Variants in PTPRN2 observed in about 807,000 individuals in gnomAD.
PTPRN2 encodes the protein protein tyrosine phosphatase receptor type N2, also known as receptor-type tyrosine-protein phosphatase N2.
PTPRN2 carries 74 observed loss-of-function variants against 118.8 expected under a neutral mutation model. That is an observed-to-expected ratio of 0.62 (90% CI 0.52 to 0.76). PTPRN2 has a LOEUF of 0.76. Ranked by LOEUF, PTPRN2 falls within the 30% of genes least tolerant of loss-of-function variation. PTPRN2 has a pLI of 0.00. For missense variants in PTPRN2, 1,481 were observed against 1,394.4 expected, an observed-to-expected ratio of 1.06 and a Z score of -0.99; for synonymous variants, 641 against 608.0, an observed-to-expected ratio of 1.05 and a Z score of -0.80.
In PTPRN2 at chr7:157,615,632, C is replaced by T. The variant is rs1044927279; in HGVS notation, c.2344+5730G>A. On this transcript the variant is annotated intron_variant, in intron 15 of 22. Coordinates refer to ENST00000389418, the MANE Select transcript of PTPRN2 (RefSeq NM_002847.5). The surrounding 1 kb of genome is among the most constrained non-coding windows in gnomAD (Gnocchi z 4.3). Reference sequence around the variant, plus strand: ...GAGGATTGGCTCAGCACTGGTCCTGCGGAATGTGTTTTTATCAATGACTTG... The same window carrying T: ...GAGGATTGGCTCAGCACTGGTCCTGTGGAATGTGTTTTTATCAATGACTTG... 16 of 469,422 alleles carry T rather than the reference C, an allele frequency of 3.4e-5. No homozygotes were observed. Among genetic ancestry groups the T allele is most frequent in the Admixed American group, 9.4e-5 (4 of 42,526 alleles). 29.1% of individuals were successfully genotyped at this position (469,422 alleles called of 1,614,324 possible).
chr7:158,336,375 A>T lies in PTPRN2; in HGVS notation c.164-19443T>A, dbSNP rs62481660. ...ACCCACACTCTCACCATAAGAGCTG[A>T]CACATGCAGACGTCACTCACACCCA... On this transcript the variant is annotated intron_variant, in intron 2 of 22. Coordinates refer to ENST00000389418, the MANE Select transcript of PTPRN2 (RefSeq NM_002847.5). 5.0e-3 allele frequency among the ~76,000 whole-genome samples: 289 copies of T among 58,294 alleles called. 1 individual carries two copies. Among genetic ancestry groups the T allele is most frequent in the African/African-American group, 0.014 (216 of 15,994 alleles). The allele number at this position is 58,294 out of a possible 152,430, so 38.2% of individuals were successfully genotyped here.
intron 13 of PTPRN2, among the ~76,000 whole-genome samples, chr7:157,677,650 A>G (rs1180776379): frequency 6.6e-6 from 1 of 152,222 alleles, no homozygotes; most frequent in Non-Finnish European, 1.5e-5. Context: ...GCAGAAACCA[A>G]GCCGGCTGAC....
At chr7:157,642,689 T>C (rs927270860) in intron 14 of PTPRN2, among the ~76,000 whole-genome samples, 5 of 151,956 alleles carry the variant, frequency 3.3e-5, no homozygotes, top group Admixed American at 1.3e-4. Context: ...CCTGTTAACT[T>C]TTACCAAGTT....
chr7:158,375,372 G>C (rs368756516), intron 2 of PTPRN2, among the ~76,000 whole-genome samples: 2 of 152,238 alleles, frequency 1.3e-5, no homozygotes, highest in African/African-American at 2.4e-5. Context: ...CAAGGCAGCT[G>C]TGTCTTGGGG....
chr7:158,179,024 G>C (rs1824466135), intron 5 of PTPRN2, among the ~76,000 whole-genome samples: 1 of 152,188 alleles, frequency 6.6e-6, no homozygotes, highest in Non-Finnish European at 1.5e-5. Context: ...ATACTCAGTA[G>C]TGAGATTGCT....
At chr7:158,130,699 C>CAA (rs1818131051) in intron 9 of PTPRN2, among the ~76,000 whole-genome samples, 1 of 87,584 alleles carries the variant, frequency 1.1e-5, no homozygotes, top group East Asian at 2.9e-4. Context: ...ACACATCTAC[C>CAA]CAACACACAC....
chr7:158,149,219 C>G (rs1389335300), intron 6 of PTPRN2, among the ~76,000 whole-genome samples: 2 of 151,896 alleles, frequency 1.3e-5, no homozygotes, highest in African/African-American at 2.4e-5. Flanking sequence ...CTGGGCTGAC[C>G]TGCTCTCCAA....
intron 14 of PTPRN2, among the ~76,000 whole-genome samples, chr7:157,655,723 A>G (rs1222598527): frequency 6.6e-6 from 1 of 152,234 alleles, no homozygotes; most frequent in African/African-American, 2.4e-5. Context: ...GGCAGCCAGC[A>G]GGACGTGCTG....
intron 12 of PTPRN2, among the ~76,000 whole-genome samples, chr7:157,713,330 C>A (rs746024031): frequency 6.6e-6 from 1 of 152,160 alleles, no homozygotes; most frequent in Non-Finnish European, 1.5e-5. Context: ...AATAGCCCCA[C>A]GGCACGTTTC....
chr7:157,733,459 CTT>C (rs1349515546), intron 12 of PTPRN2, among the ~76,000 whole-genome samples: 1 of 42,958 alleles, frequency 2.3e-5, no homozygotes. Flanking sequence ...CACAGTTACT[CTT>C]TTCCGCCCCA....
At chr7:157,890,821 A>G (rs2151305155) in intron 12 of PTPRN2, among the ~76,000 whole-genome samples, 1 of 152,220 alleles carries the variant, frequency 6.6e-6, no homozygotes, top group Admixed American at 6.5e-5. Context: ...CCAGCTCTCC[A>G]CCTCACCTGT....
chr7:158,226,424 T>C (rs1828781599), intron 3 of PTPRN2, among the ~76,000 whole-genome samples: 1 of 152,056 alleles, frequency 6.6e-6, no homozygotes, highest in African/African-American at 2.4e-5. Flanking sequence ...ACCAGGTTTG[T>C]GGGTGGGGAC....
intron 3 of PTPRN2, among the ~76,000 whole-genome samples, chr7:158,292,048 G>A (rs1350836227): frequency 1.3e-5 from 2 of 152,220 alleles, no homozygotes; most frequent in South Asian, 2.1e-4. Flanking sequence ...GACCTGTCTA[G>A]CTTTTAGTGA....
chr7:158,520,714 T>C (rs537941150), intron 1 of PTPRN2, among the ~76,000 whole-genome samples: 2 of 152,300 alleles, frequency 1.3e-5, no homozygotes, highest in Admixed American at 1.3e-4. Context: ...TTTTCAACCA[T>C]ATTACCAATA....
chr7:158,338,148 C>T (rs373363717), intron 2 of PTPRN2, among the ~76,000 whole-genome samples: 2 of 5,228 alleles, frequency 3.8e-4, no homozygotes, highest in African/African-American at 6.7e-4. Context: ...AGCTGACGCC[C>T]GCAGACGTTA....
intron 14 of PTPRN2, among the ~76,000 whole-genome samples, chr7:157,623,209 T>C (rs1329044162): frequency 2.6e-5 from 4 of 152,218 alleles, no homozygotes; most frequent in African/African-American, 4.8e-5. Context: ...GATATAATAT[T>C]TAAGTTTTGT....
chr7:158,240,422 T>C (rs1475546790), intron 3 of PTPRN2, among the ~76,000 whole-genome samples: 1 of 152,068 alleles, frequency 6.6e-6, no homozygotes, highest in Non-Finnish European at 1.5e-5. Flanking sequence ...GTGTGTGGGC[T>C]TTTGTTTTGT....
intron 2 of PTPRN2, among the ~76,000 whole-genome samples, chr7:158,467,107 T>A (rs1048950110): frequency 1.3e-5 from 2 of 152,218 alleles, no homozygotes; most frequent in African/African-American, 2.4e-5. Context: ...AAAGCCATTC[T>A]CACAGGTGTG....
At chr7:158,026,913 G>A (rs1343081233) in intron 11 of PTPRN2, among the ~76,000 whole-genome samples, 1 of 152,252 alleles carries the variant, frequency 6.6e-6, no homozygotes, top group African/African-American at 2.4e-5. Context: ...ACTCGGCTCT[G>A]GGCACTGTGT....
Sources: gnomAD v4.1 joint callset for allele counts (sites outside exome capture counted in the v4.1 genomes callset) on GRCh38, gnomAD v4.1.1 for gene constraint, Gnocchi (gnomAD v3.1) non-coding constraint, MANE v1.5 for transcripts, NCBI Gene and HGNC (gene_info 2026-07-23, HGNC 2026-07-21) for gene names.